The following GABRR2 variants were observed in gnomAD, a reference collection of about 807,000 sequenced individuals.
The protein encoded by GABRR2 is gamma-aminobutyric acid type A receptor subunit rho2.
In GABRR2, 36 loss-of-function variants were observed where a neutral mutation model predicts 47.0. The observed-to-expected ratio is 0.77, with a 90% CI of 0.59 to 1.01. GABRR2 has a LOEUF of 1.01. GABRR2 is among the 50% of genes least tolerant of loss of function. The pLI is 0.00. For missense variants in GABRR2, 587 were observed against 594.6 expected, an observed-to-expected ratio of 0.99 and a Z score of 0.13; for synonymous variants, 204 against 227.5, an observed-to-expected ratio of 0.90 and a Z score of 0.93.
intron 8 of GABRR2, among the ~76,000 whole-genome samples, chr6:89,261,778 C>CT (rs1345042341): frequency 6.6e-6 from 1 of 152,120 alleles, no homozygotes; most frequent in Non-Finnish European, 1.5e-5. Flanking sequence ...TGGTTCATGC[C>CT]TGTAATCCCA....
intron 2 of GABRR2, among the ~76,000 whole-genome samples, chr6:89,296,541 TC>T (rs200141866): frequency 0.058 from 8,800 of 152,224 alleles, 698 homozygotes; most frequent in East Asian, 0.41. Flanking sequence ...GATCTTGACT[TC>T]TATGGAAGGT....
chr6:89,273,974 C>T (rs1313629050), intron 2 of GABRR2, among the ~76,000 whole-genome samples: 2 of 152,180 alleles, frequency 1.3e-5, no homozygotes, highest in Non-Finnish European at 2.9e-5. Context: ...CTCTTGGATT[C>T]ATGTTCTAGT....
chr6:89,310,151 C>G (rs1351009834), intron 1 of GABRR2, among the ~76,000 whole-genome samples: 2 of 151,994 alleles, frequency 1.3e-5, no homozygotes, highest in African/African-American at 4.8e-5. Flanking sequence ...TTTCATTGCC[C>G]TAAAAATCCT....
At chr6:89,301,151 A>G (rs929490168) in intron 1 of GABRR2, among the ~76,000 whole-genome samples, 1 of 151,816 alleles carries the variant, frequency 6.6e-6, no homozygotes, top group African/African-American at 2.4e-5. Flanking sequence ...TTATTATCTC[A>G]ATGGATGCAC....
intron 2 of GABRR2, among the ~76,000 whole-genome samples, chr6:89,293,869 T>A (rs2127845270): frequency 6.6e-6 from 1 of 151,896 alleles, no homozygotes; most frequent in South Asian, 2.1e-4. Context: ...CCCCTGGAGG[T>A]TCTAACCAGG....
intron 4 of GABRR2, 57 bp from the exon 5 acceptor site, chr6:89,268,153 T>C: frequency 7.5e-7 from 1 of 1,330,676 alleles, no homozygotes; most frequent in Non-Finnish European, 1.1e-6. Context: ...CTCCTACATC[T>C]GCCCAGAGCA....
intron 1 of GABRR2, chr6:89,302,225 C>T (rs1767460640): frequency 1.8e-6 from 1 of 570,794 alleles, no homozygotes; most frequent in Non-Finnish European, 3.5e-6. Flanking sequence ...TATGGGCACG[C>T]TGCTCATCAG....
rs10626881 is a variant in GABRR2 at position 89,292,413 on chromosome 6, G to GAT, written c.220+7344_220+7345dup. ...TATCGTATCTCTGATATATATATCA[G>GAT]ATATATCGTATCTCTGATATATATA... On this transcript the variant is annotated intron_variant, in intron 2 of 8. Coordinates refer to ENST00000402938, the MANE Select transcript of GABRR2 (RefSeq NM_002043.5). 0.018 allele frequency among the ~76,000 whole-genome samples: 9 copies of GAT among 488 alleles called. 4 individuals carry two copies. The South Asian group carries it at 0.2, about 11-fold the overall frequency. The allele number at this position is 488 out of a possible 152,430, so 0.3% of individuals were successfully genotyped here. A position where few individuals can be genotyped will look rare whatever the true frequency, so the allele number is the denominator to read the frequency against.
At chr6:89,260,020 A>G (rs1773710844) in intron 8 of GABRR2, among the ~76,000 whole-genome samples, 1 of 148,996 alleles carries the variant, frequency 6.7e-6, no homozygotes, top group African/African-American at 2.5e-5. Flanking sequence ...GGATCCTCCC[A>G]CCTCAACCTC....
At chr6:89,260,527 C>T (rs1773721879) in intron 8 of GABRR2, among the ~76,000 whole-genome samples, 1 of 152,236 alleles carries the variant, frequency 6.6e-6, no homozygotes, top group South Asian at 2.1e-4. Flanking sequence ...AAGCCCTGGG[C>T]TCCCACGTGT....
chr6:89,287,057 T>C (rs1774345417), intron 2 of GABRR2, among the ~76,000 whole-genome samples: 1 of 152,166 alleles, frequency 6.6e-6, no homozygotes, highest in African/African-American at 2.4e-5. Flanking sequence ...AAAAGGAGGC[T>C]GCTGCCCCAA....
chr6:89,271,754 A>G, intron 2 of GABRR2, 32 bp from the exon 3 acceptor site: 1 of 1,591,936 alleles, frequency 6.3e-7, no homozygotes, highest in Non-Finnish European at 8.6e-7. Flanking sequence ...TGGTTAAGGC[A>G]CCTTCCTCTC....
At chr6:89,276,328 A>G (rs897142450) in intron 2 of GABRR2, among the ~76,000 whole-genome samples, 1 of 151,876 alleles carries the variant, frequency 6.6e-6, no homozygotes, top group Non-Finnish European at 1.5e-5. Context: ...TAGATTTTTA[A>G]ACATTAAGAT....
At chr6:89,285,644 C>T (rs760972070) in intron 2 of GABRR2, among the ~76,000 whole-genome samples, 3 of 151,964 alleles carry the variant, frequency 2.0e-5, no homozygotes, top group Non-Finnish European at 4.4e-5. Flanking sequence ...TTTAAGGTAG[C>T]CTGGTGGGTG....
chr6:89,257,628 C>T lies in GABRR2; in HGVS notation c.*42G>A. ...CGTCTGTCAATGACTGGCCAGGCCC[C>T]CTCGATGTCTATGCCCTCTTCTAGG... On this transcript the variant is annotated 3_prime_UTR_variant, in exon 9 of 9. Transcript: ENST00000402938. The T allele has an allele frequency of 1.3e-6, 2 of 1,516,286 alleles. No individual in the cohort carries two copies. The highest frequency in any genetic ancestry group is 9.0e-7 in the Non-Finnish European group (1 of 1,113,608). The allele number at this position is 1,516,286 out of a possible 1,614,324, so 93.9% of individuals were successfully genotyped here.
chr6:89,314,567 A>T (rs1767731666), intron 1 of GABRR2, among the ~76,000 whole-genome samples: 1 of 152,226 alleles, frequency 6.6e-6, no homozygotes, highest in African/African-American at 2.4e-5. Context: ...AGTAAAATGA[A>T]ACCCAATATC....
At chr6:89,264,732 A>G (rs748943594) in intron 7 of GABRR2, 124 bp from the exon 8 acceptor site, 24 of 1,263,314 alleles carry the variant, frequency 1.9e-5, no homozygotes, top group South Asian at 7.1e-5. Flanking sequence ...GTGTGTTTCC[A>G]CCTCGGAGAG....
At chr6:89,304,811 A>G (rs920075458) in intron 1 of GABRR2, among the ~76,000 whole-genome samples, 4 of 152,220 alleles carry the variant, frequency 2.6e-5, no homozygotes, top group Admixed American at 6.5e-5. Flanking sequence ...GAGGTTGCAG[A>G]GAAAAGAGAA....
At chr6:89,296,333 G>A (rs1774552953) in intron 2 of GABRR2, among the ~76,000 whole-genome samples, 1 of 152,244 alleles carries the variant, frequency 6.6e-6, no homozygotes, top group South Asian at 2.1e-4. Context: ...AGAACTCTGG[G>A]TGTCTTATTT....
Sources: allele counts gnomAD v4.1 joint callset (sites outside exome capture counted in the v4.1 genomes callset), GRCh38; gene constraint gnomAD v4.1.1; transcripts MANE v1.5; gene names NCBI Gene and HGNC (gene_info 2026-07-23, HGNC 2026-07-21).